TTC39A: variants seen among roughly 807,000 people sequenced by gnomAD.
The protein encoded by TTC39A is tetratricopeptide repeat protein 39A.
TTC39A carries 46 observed loss-of-function variants against 82.3 expected under a neutral mutation model. The observed-to-expected ratio is 0.56, with a 90% CI of 0.44 to 0.71. The LOEUF (loss-of-function observed/expected upper bound fraction) is 0.71. Among genes scored for constraint, TTC39A ranks in the 30% least tolerant of loss-of-function variants. The pLI is 0.00. For missense variants in TTC39A, 543 were observed against 712.9 expected, an observed-to-expected ratio of 0.76 and a Z score of 2.71; for synonymous variants, 254 against 275.2, an observed-to-expected ratio of 0.92 and a Z score of 0.76.
intron 1 of TTC39A, among the ~76,000 whole-genome samples, chr1:51,344,814 G>A (rs956495138): frequency 5.9e-5 from 9 of 152,232 alleles, no homozygotes; most frequent in Admixed American, 5.9e-4. Flanking sequence ...CGAGGACAGA[G>A]AGCAGGGGGC....
At chr1:51,320,551 G>A (rs1348947863) in intron 2 of TTC39A, among the ~76,000 whole-genome samples, 4 of 150,396 alleles carry the variant, frequency 2.7e-5, no homozygotes, top group Non-Finnish European at 4.4e-5. Context: ...AGCCTCCCAA[G>A]TAGCTGAGAC....
chr1:51,330,628 G>A (rs1570012432), upstream of TTC39A: 2 of 983,384 alleles, frequency 2.0e-6, no homozygotes, highest in Non-Finnish European at 1.2e-6. This position sits in a 1 kb window ranked among gnomAD's most constrained non-coding sequence, Gnocchi z 4.5. Context: ...GGGCCGGGCC[G>A]AGCCTCGGTC....
Position 51,290,127 on chromosome 1 carries a change from T to C in TTC39A, c.1379-8A>G. On this transcript the variant is annotated splice_polypyrimidine_tract_variant and splice_region_variant and intron_variant, in intron 15 of 17. Transcript: ENST00000680483. ...CCACTGAGTACTCGTTCTCTGAAAA[T>C]AGGGATGTGAGGGAAAAAGACAGAC... The C allele has an allele frequency of 1.2e-6, 2 of 1,610,794 alleles. No homozygotes were observed. The highest frequency in any genetic ancestry group is 8.5e-7 in the Non-Finnish European group (1 of 1,178,476).
upstream of TTC39A, chr1:51,335,099 G>A (rs1000452423): frequency 1.3e-5 from 2 of 152,264 alleles, no homozygotes; most frequent in African/African-American, 4.8e-5. Context: ...CAGGAGACCT[G>A]TTTCCTGGTG....
At chr1:51,300,849 T>C (rs761996803) in intron 12 of TTC39A, 4 of 152,246 alleles carry the variant, frequency 2.6e-5, no homozygotes, top group Non-Finnish European at 5.9e-5. Flanking sequence ...GTTCCAGGCA[T>C]TGGCAGGTGA....
chr1:51,317,559 G>A (rs1645334532), intron 2 of TTC39A, among the ~76,000 whole-genome samples: 1 of 152,208 alleles, frequency 6.6e-6, no homozygotes, highest in Non-Finnish European at 1.5e-5. Context: ...GGCCAGCCTG[G>A]CCAAAATCGT....
At chr1:51,343,982 G>T (rs1054080124) in intron 1 of TTC39A, among the ~76,000 whole-genome samples, 2 of 152,174 alleles carry the variant, frequency 1.3e-5, no homozygotes, top group African/African-American at 4.8e-5. Context: ...GAGACAGGAG[G>T]AGCTGGGGAA....
chr1:51,317,593 A>G (rs1441585434), intron 2 of TTC39A, among the ~76,000 whole-genome samples: 1 of 152,166 alleles, frequency 6.6e-6, no homozygotes, highest in Non-Finnish European at 1.5e-5. Context: ...TACTAAAAAT[A>G]TAAAAAATTA....
chr1:51,331,021 G>A (rs1242865409), upstream of TTC39A: 25 of 743,024 alleles, frequency 3.4e-5, no homozygotes, highest in East Asian at 5.4e-5. Context: ...ACCAGAAGGC[G>A]GGGAAAACAC....
chr1:51,319,553 T>G (rs1047813651), intron 2 of TTC39A, among the ~76,000 whole-genome samples: 1 of 152,152 alleles, frequency 6.6e-6, no homozygotes, highest in Non-Finnish European at 1.5e-5. Flanking sequence ...TCCTAAACCT[T>G]TCTGGAGAAG....
chr1:51,292,287 T>C (rs1195723990), intron 14 of TTC39A, among the ~76,000 whole-genome samples: 1 of 152,244 alleles, frequency 6.6e-6, no homozygotes, highest in Non-Finnish European at 1.5e-5. Flanking sequence ...TCAAAGAAGA[T>C]AATGGATGTG....
chr1:51,325,254 CAA>C (rs113824158), intron 1 of TTC39A, among the ~76,000 whole-genome samples: 10 of 110,662 alleles, frequency 9.0e-5, no homozygotes, highest in Admixed American at 9.2e-5. Flanking sequence ...AATTCCATCT[CAA>C]AAAAAAAAAA....
chr1:51,289,934 A>G (rs1644138466), intron 16 of TTC39A, 71 bp downstream of exon 16: 2 of 1,324,474 alleles, frequency 1.5e-6, no homozygotes, highest in Admixed American at 4.5e-5. Flanking sequence ...AGTGGGCATG[A>G]GGATGGAGAA....
At chr1:51,338,137 G>A (rs78155065) in intron 1 of TTC39A, among the ~76,000 whole-genome samples, 13 of 152,236 alleles carry the variant, frequency 8.5e-5, no homozygotes, top group Middle Eastern at 3.4e-3. Flanking sequence ...ATTATCCACC[G>A]AATATTAAAA....
upstream of TTC39A, chr1:51,331,348 G>A (rs1282739835): frequency 1.4e-5 from 21 of 1,505,712 alleles, no homozygotes; most frequent in Non-Finnish European, 1.9e-5. Flanking sequence ...TTCTGGCACA[G>A]AAAGCCACTG....
At chr1:51,323,535 G>A (rs140039902) in intron 1 of TTC39A, among the ~76,000 whole-genome samples, 1 of 152,214 alleles carries the variant, frequency 6.6e-6, no homozygotes, top group East Asian at 1.9e-4. Context: ...TCTCTTCTCT[G>A]TTAGACCTTT....
rs1193434772 is a variant in TTC39A at position 51,324,016 on chromosome 1, A to G, written c.42-2191T>C. Among the ~76,000 whole-genome samples, 3 of 152,014 alleles carry G rather than the reference A, an allele frequency of 2.0e-5. 1 individual carries two copies. The highest frequency in any genetic ancestry group is 6.5e-5 in the Admixed American group (1 of 15,276). On this transcript the variant is annotated intron_variant, in intron 1 of 17. Transcript: ENST00000680483. ...TTGCTCCAGGAAGGATTTTTCATTT[A>G]CTCTGTCCAGGTTCCCAGGGGAACT... is the stretch of plus-strand genomic sequence containing the variant.
chr1:51,297,422 T>C (rs1331701824), intron 12 of TTC39A: 4 of 152,266 alleles, frequency 2.6e-5, no homozygotes, highest in Admixed American at 2.0e-4. Flanking sequence ...TTTCACCATG[T>C]TGGCCAGGCT....
rs373901342 is a variant in TTC39A at position 51,294,409 on chromosome 1, C to A, written c.1248G>T (p.Ser416=). Residue 416 remains serine, a synonymous_variant, in exon 14 of 18, where the codon TCG becomes TCT. Transcript: ENST00000680483. The surrounding 1 kb of genome is among the most constrained non-coding windows in gnomAD (Gnocchi z 4.3). ...TACCCACCAGAGCAGGCACTGGCAG[C>A]GAGATAGGGTTGGAGGAGAAGTAGC... ...SRRYFSSNPI[S]LPVPALEMMY... 58 of 1,613,880 alleles carry A rather than the reference C, an allele frequency of 3.6e-5. No individual in the cohort carries two copies. The highest frequency in any genetic ancestry group is 4.7e-5 in the Non-Finnish European group (55 of 1,179,896).
Sources: gnomAD v4.1 joint callset for allele counts (sites outside exome capture counted in the v4.1 genomes callset) on GRCh38, gnomAD v4.1.1 for gene constraint, Gnocchi (gnomAD v3.1) non-coding constraint, MANE v1.5 for transcripts, NCBI Gene and HGNC (gene_info 2026-07-23, HGNC 2026-07-21) for gene names.